Variants in GBP5 observed in about 807,000 individuals in gnomAD.
The protein encoded by GBP5 is guanylate binding protein 5, also known as guanylate-binding protein 5.
Under a neutral mutation model 58.2 loss-of-function variants are expected in GBP5, and 48 were observed. That is an observed-to-expected ratio of 0.83 (90% CI 0.65 to 1.05). The LOEUF (loss-of-function observed/expected upper bound fraction) is 1.05. GBP5 is among the 50% of genes least tolerant of loss of function. The pLI, the probability that GBP5 is intolerant of heterozygous loss-of-function variation, is 0.00. For synonymous variants in GBP5, 248 were observed against 251.8 expected (o/e 0.98, Z 0.14); for missense variants, 714 against 686.8 (o/e 1.04, Z -0.44).
chr1:89,266,685 A>G, intron 6 of GBP5, 97 bp from the exon 7 acceptor site: 3 of 1,156,950 alleles, frequency 2.6e-6, no homozygotes, highest in Non-Finnish European at 2.5e-6. Flanking sequence ...TGTCACTTAG[A>G]TTAATATATC....
At position 89,267,434 on chromosome 1, in the gene GBP5, A is replaced by C; in HGVS notation, c.411T>G (p.Gly137=). Residue 137 remains glycine, a synonymous_variant, in exon 5 of 12, where the codon GGT becomes GGG. Transcript: ENST00000370459. ...AAGGATACTGCAGTAGGTCGATAGC[A>C]CCCTGATCAATTTTGTTCACAGTAT... ...VYNTVNKIDQ[G]AIDLLHNVTE... The C allele has an allele frequency of 6.2e-7, 1 of 1,612,876 alleles. No individual in the cohort carries two copies. Among genetic ancestry groups the C allele is most frequent in the Non-Finnish European group, 8.5e-7 (1 of 1,178,852 alleles).
chr1:89,265,077 C>T (rs1339592765), intron 7 of GBP5, 111 bp from the exon 8 acceptor site: 2 of 1,048,034 alleles, frequency 1.9e-6, no homozygotes, highest in African/African-American at 1.6e-5. Flanking sequence ...AATTGTTTAG[C>T]ATTATGGACA....
rs780351251 is a variant in GBP5 at position 89,260,625 on chromosome 1, G to A, written c.*79C>T. On this transcript the variant is annotated 3_prime_UTR_variant, in exon 12 of 12. Transcript: ENST00000370459. ...TATAAAGTTTATTTAAATGTTGATTGTCCCAAGGTCTACAGTTTCTTTTCT... is the reference window on the plus strand; with the variant it reads ...TATAAAGTTTATTTAAATGTTGATTATCCCAAGGTCTACAGTTTCTTTTCT... The A allele has an allele frequency of 6.0e-5, 49 of 821,182 alleles. No homozygotes were observed. Among genetic ancestry groups the A allele is most frequent in the Non-Finnish European group, 9.9e-5 (48 of 485,576 alleles). The allele number at this position is 821,182 out of a possible 1,614,324, so 50.9% of individuals were successfully genotyped here.
At chr1:89,268,398 G>C (rs1650308815) in intron 4 of GBP5, among the ~76,000 whole-genome samples, 1 of 152,120 alleles carries the variant, frequency 6.6e-6, no homozygotes, top group Non-Finnish European at 1.5e-5. Context: ...GCTCTGATTG[G>C]AACACAAGTT....
rs1489096457 is a variant in GBP5 at position 89,263,516 on chromosome 1, A to C, written c.1362+220T>G. The C allele has an allele frequency of 6.6e-6, 3 of 451,390 alleles. No homozygotes were observed. In the Admixed American group the frequency reaches 1.1e-4, roughly 16 times the overall value. The allele number at this position is 451,390 out of a possible 1,614,324, so 28.0% of individuals were successfully genotyped here. On this transcript the variant is annotated intron_variant, in intron 9 of 11. Coordinates refer to ENST00000370459, the MANE Select transcript of GBP5 (RefSeq NM_052942.5). ...AGTCTGGTGATTATGGTGATGGTTC[A>C]GTTTAACCCCACTGCTACCATTAGA...
rs906323912 is a variant in GBP5, at chr1:89,259,715, C to A, written c.*989G>T. 1.2e-4 allele frequency: 18 copies of A among 151,994 alleles called. No homozygotes were observed. Among genetic ancestry groups the A allele is most frequent in the Non-Finnish European group, 2.5e-4 (17 of 68,020 alleles). The allele number at this position is 151,994 out of a possible 1,614,324, so 9.4% of individuals were successfully genotyped here. ...TCCCAGAACTTAGGTGCCACTATAA[C>A]CACCCCTAAGCTAAACCACATCCTG... On this transcript the variant is annotated 3_prime_UTR_variant, in exon 12 of 12. Transcript: ENST00000370459.
rs1007882679 is a variant in GBP5 at position 89,258,875 on chromosome 1, C to A, written c.*1829G>T. On this transcript the variant is annotated 3_prime_UTR_variant, in exon 12 of 12. Coordinates refer to ENST00000370459, the MANE Select transcript of GBP5 (RefSeq NM_052942.5). ...TTTTAATTCTAGTCTTAAAGCAATT[C>A]TTAATCTCCTTAGGGAAATTCAGTC... 1.3e-5 allele frequency: 2 copies of A among 152,126 alleles called. No homozygotes were observed. The highest frequency in any genetic ancestry group is 2.9e-5 in the Non-Finnish European group (2 of 67,996). 9.4% of individuals were successfully genotyped at this position (152,126 alleles called of 1,614,324 possible). A position where few individuals can be genotyped will look rare whatever the true frequency, so the allele number is the denominator to read the frequency against.
At chr1:89,270,938 G>C (rs1241053511) in intron 1 of GBP5, 76 bp from the exon 2 acceptor site, 1 of 152,210 alleles carries the variant, frequency 6.6e-6, no homozygotes, top group African/African-American at 2.4e-5. Context: ...GATTTGGGAT[G>C]ATGTCACTAA....
rs1649956012 is a variant in GBP5, at chr1:89,260,308, C to G, written c.*396G>C. On this transcript the variant is annotated 3_prime_UTR_variant, in exon 12 of 12. Transcript: ENST00000370459. ...GCTGTGTGGCCGGGTTCCTAAGAGG[C>G]CACAGATCAGAGCTAGTCTATGGCC... 6.3e-6 allele frequency: 1 copy of G among 159,558 alleles called. No individual in the cohort carries two copies. The allele number at this position is 159,558 out of a possible 1,614,324, so 9.9% of individuals were successfully genotyped here. A position where few individuals can be genotyped will look rare whatever the true frequency, so the allele number is the denominator to read the frequency against.
chr1:89,262,813 A>T, intron 9 of GBP5, 28 bp from the exon 10 acceptor site: 1 of 1,254,438 alleles, frequency 8.0e-7, no homozygotes. Flanking sequence ...ATGCAGTTAG[A>T]TGCAGGAAAT....
rs1185890091 is a variant in GBP5, at chr1:89,262,716, GGTCA to G, written c.1428_1431del (p.Asp477ArgfsTer15). 4 of 1,607,734 alleles carry G rather than the reference GGTCA, an allele frequency of 2.5e-6. No individual in the cohort carries two copies. In the East Asian group the frequency reaches 6.7e-5, roughly 27 times the overall value. ...TTTTTTTCCGTCTCTGTGAGAGCCTGGTCAGTCTGTAATATTGCATGACTCACAG... is the reference window on the plus strand; with the variant it reads ...TTTTTTTCCGTCTCTGTGAGAGCCTGGTCTGTAATATTGCATGACTCACAG... On this transcript the variant is annotated frameshift_variant, in exon 10 of 12. Transcript: ENST00000370459. LOFTEE classifies it high-confidence loss of function.
rs370238022 is a variant in GBP5 at position 89,262,759 on chromosome 1, T to C, written c.1389A>G (p.Leu463=). ...CATGACTCACAGACTCCTTGGACTT[T>C]AAATATTTCTGCAGAACTTCTTCAG... is the stretch of plus-strand genomic sequence containing the variant. ...IQAEEVLQKY[L]KSKESVSHAI... is the part of the protein sequence containing the mutation. The change falls in exon 10 of 12, where the codon TTA becomes TTG. Residue 463 remains leucine (L), a synonymous_variant. Transcript: ENST00000370459. The C allele has an allele frequency of 1.3e-6, 2 of 1,573,858 alleles. No homozygotes were observed. Among genetic ancestry groups the C allele is most frequent in the African/African-American group, 2.8e-5 (2 of 71,712 alleles).
Position 89,272,561 on chromosome 1 carries a change from T to G in GBP5, c.-237A>C, listed in dbSNP as rs1650502780. ...AGGTGGCGTGTCAGGAGTTTGCTCC[T>G]TCTGATGTTCGGATGTGTTTGGAGT... On this transcript the variant is annotated 5_prime_UTR_variant, in exon 1 of 12. Transcript: ENST00000370459. 6.4e-6 allele frequency: 1 copy of G among 156,892 alleles called. No individual in the cohort carries two copies. The highest frequency in any genetic ancestry group is 1.4e-5 in the Non-Finnish European group (1 of 71,838). The allele number at this position is 156,892 out of a possible 1,614,324, so 9.7% of individuals were successfully genotyped here.
chr1:89,272,054 A>G (rs1650477568), intron 1 of GBP5: 2 of 152,182 alleles, frequency 1.3e-5, no homozygotes, highest in African/African-American at 4.8e-5. Context: ...ACATTGCATC[A>G]TATTCATTGT....
chr1:89,260,735 A>G lies in GBP5; in HGVS notation c.1730T>C (p.Val577Ala). ...LSELQHAQRTVNNDDPCVLL is the reference protein window; with the variant it reads ...LSELQHAQRTANNDDPCVLL ...TAAAACACATGGATCATCGTTATTAACAGTCCTCTGGGCGTGCTGGAGCTC... is the reference window on the plus strand; with the variant it reads ...TAAAACACATGGATCATCGTTATTAGCAGTCCTCTGGGCGTGCTGGAGCTC... Residue 577 changes from valine to alanine, a missense_variant, in exon 12 of 12, where the codon GTT (valine) becomes GCT (alanine). Transcript: ENST00000370459. The G allele has an allele frequency of 1.9e-6, 3 of 1,613,874 alleles. No homozygotes were observed. The highest frequency in any genetic ancestry group is 2.5e-6 in the Non-Finnish European group (3 of 1,179,766).
rs1184361824 is a variant in GBP5 at position 89,257,840 on chromosome 1, A to T, written c.*2864T>A. On this transcript the variant is annotated 3_prime_UTR_variant, in exon 12 of 12. Transcript: ENST00000370459. ...TGGCTTAAAACAACAGAAGCTTATT[A>T]TCTTACAGTTTTGGAAATCAGAAGT... is the stretch of plus-strand genomic sequence containing the variant. Among the ~76,000 whole-genome samples the T allele has an allele frequency of 6.6e-6, 1 of 152,242 alleles. No homozygotes were observed. The highest frequency in any genetic ancestry group is 6.5e-5 in the Admixed American group (1 of 15,282).
chr1:89,264,704 A>C lies in GBP5; in HGVS notation c.1131T>G (p.Ser377Arg). 1.2e-6 allele frequency: 2 copies of C among 1,613,522 alleles called. No individual in the cohort carries two copies. Among genetic ancestry groups the C allele is most frequent in the Non-Finnish European group, 1.7e-6 (2 of 1,179,492 alleles). Reference sequence around the variant, plus strand: ...ATATCACCTCCAATTCTTTCTGGAAACTTTGGTCTACATCCTTGAAAGAGT... The same window carrying C: ...ATATCACCTCCAATTCTTTCTGGAACCTTTGGTCTACATCCTTGAAAGAGT... ...MKNSFKDVDQSFQKELETLLD... is the reference protein window; with the variant it reads ...MKNSFKDVDQRFQKELETLLD... Residue 377 changes from serine to arginine, a missense_variant, in exon 8 of 12, where the codon AGT becomes AGG. Coordinates refer to ENST00000370459, the MANE Select transcript of GBP5 (RefSeq NM_052942.5).
At chr1:89,268,038 G>A (rs1650295336) in intron 4 of GBP5, among the ~76,000 whole-genome samples, 1 of 152,118 alleles carries the variant, frequency 6.6e-6, no homozygotes, top group Admixed American at 6.5e-5. Flanking sequence ...AACAATGGAA[G>A]TTCAAGAGAA....
rs1049034393 is a variant in GBP5 at position 89,268,867 on chromosome 1, G to T, written c.191-11C>A. On this transcript the variant is annotated splice_polypyrimidine_tract_variant and intron_variant, in intron 3 of 11. Transcript: ENST00000370459. ...ATGCAACAGAGAAGCCTGTCAGGGG[G>T]AGTGAGAGGTTGTAATAGAAGAGAA... 6.2e-7 allele frequency: 1 copy of T among 1,612,508 alleles called. No homozygotes were observed.
Sources: gnomAD v4.1 joint callset for allele counts (sites outside exome capture counted in the v4.1 genomes callset) on GRCh38, gnomAD v4.1.1 for gene constraint, MANE v1.5 for transcripts, NCBI Gene and HGNC (gene_info 2026-07-23, HGNC 2026-07-21) for gene names.